Variants in RAB22A observed in about 807,000 individuals in gnomAD.
The protein encoded by RAB22A is RAB22A, member RAS oncogene family.
RAB22A carries 13 observed loss-of-function variants against 30.2 expected under a neutral mutation model. The ratio of observed to expected loss-of-function variants is 0.43; its 90% confidence interval spans 0.28 to 0.68. The LOEUF (loss-of-function observed/expected upper bound fraction) is 0.68, where lower values mean the gene tolerates loss of function less well. RAB22A is among the 30% of genes least tolerant of loss of function. The probability of loss-of-function intolerance (pLI) is 0.18; values close to 1 mark genes in which losing one functional copy is unlikely to be tolerated. For synonymous variants in RAB22A, 89 were observed against 87.2 expected (o/e 1.02, Z -0.11); for missense variants, 177 against 246.8 (o/e 0.72, Z 1.89).
At chr20:58,323,695 CCT>C (rs754987891) in intron 2 of RAB22A, among the ~76,000 whole-genome samples, 4 of 149,158 alleles carry the variant, frequency 2.7e-5, no homozygotes, top group Admixed American at 1.3e-4. Context: ...GATTTGAACA[CCT>C]GGGCTCAAGT....
intron 2 of RAB22A, among the ~76,000 whole-genome samples, chr20:58,340,985 G>A (rs996830544): frequency 9.2e-5 from 14 of 152,186 alleles, no homozygotes. Context: ...GATGACTGCA[G>A]TGGCCAAGGC....
intron 2 of RAB22A, among the ~76,000 whole-genome samples, chr20:58,318,443 C>T (rs1017309983): frequency 3.3e-5 from 5 of 152,210 alleles, no homozygotes; most frequent in Admixed American, 2.6e-4. Context: ...AACAGTATGA[C>T]ACTCACAGGA....
At chr20:58,320,018 G>A (rs1210740239) in intron 2 of RAB22A, among the ~76,000 whole-genome samples, 1 of 151,986 alleles carries the variant, frequency 6.6e-6, no homozygotes, top group Non-Finnish European at 1.5e-5. Flanking sequence ...TATATTGCTG[G>A]ATTTGATTTA....
intron 2 of RAB22A, among the ~76,000 whole-genome samples, chr20:58,319,344 C>A (rs967008821): frequency 6.6e-6 from 1 of 152,162 alleles, no homozygotes; most frequent in Non-Finnish European, 1.5e-5. Context: ...AATTAAATCA[C>A]CTTGGCACCT....
At chr20:58,312,489 T>C (rs1394748176) in intron 2 of RAB22A, among the ~76,000 whole-genome samples, 4 of 110,508 alleles carry the variant, frequency 3.6e-5, no homozygotes, top group African/African-American at 1.5e-4. Context: ...TTTTTTTTTT[T>C]TTTTTTTTTT....
intron 2 of RAB22A, among the ~76,000 whole-genome samples, chr20:58,317,694 G>A (rs1986371860): frequency 6.6e-6 from 1 of 151,606 alleles, no homozygotes; most frequent in African/African-American, 2.4e-5. Context: ...GAGTAGCTGG[G>A]ACTACAGGCA....
At chr20:58,322,764 A>G (rs1444909577) in intron 2 of RAB22A, among the ~76,000 whole-genome samples, 1 of 152,162 alleles carries the variant, frequency 6.6e-6, no homozygotes, top group Non-Finnish European at 1.5e-5. Context: ...TTACTTCTAC[A>G]TGTTATGAAA....
intron 2 of RAB22A, among the ~76,000 whole-genome samples, chr20:58,325,710 G>A (rs1056213343): frequency 2.4e-4 from 36 of 152,290 alleles, no homozygotes; most frequent in East Asian, 1.9e-4. Context: ...AACATATTTT[G>A]TATGATATAA....
At chr20:58,347,048 T>C (rs1986961961) in intron 3 of RAB22A, among the ~76,000 whole-genome samples, 2 of 152,240 alleles carry the variant, frequency 1.3e-5, no homozygotes, top group South Asian at 4.1e-4. Context: ...TACCTACTTT[T>C]ACCATGTGAG....
intron 2 of RAB22A, among the ~76,000 whole-genome samples, chr20:58,338,360 T>C (rs746271286): frequency 1.3e-5 from 2 of 152,164 alleles, no homozygotes; most frequent in Non-Finnish European, 2.9e-5. Flanking sequence ...TTTTAAATAT[T>C]TTCCAAAAAG....
At chr20:58,353,382 C>T (rs780671246) in intron 4 of RAB22A, 38 bp downstream of exon 4, 82 of 1,608,900 alleles carry the variant, frequency 5.1e-5, no homozygotes, top group Non-Finnish European at 6.8e-5. Flanking sequence ...GTTTTGAAAA[C>T]TCTTTTGGTT....
At position 58,359,847 on chromosome 20, in the gene RAB22A, T is replaced by A; in HGVS notation, c.*144T>A. On this transcript the variant is annotated 3_prime_UTR_variant, in exon 7 of 7. Transcript: ENST00000244040. Reference sequence around the variant, plus strand: ...AGGATTCACAGAAATGGACCAGTTCTGTTCTCCAAAGACTGCAGCAATGAT... The same window carrying A: ...AGGATTCACAGAAATGGACCAGTTCAGTTCTCCAAAGACTGCAGCAATGAT... The A allele has an allele frequency of 1.7e-6, 1 of 603,546 alleles. No individual in the cohort carries two copies. The allele number at this position is 603,546 out of a possible 1,614,324, so 37.4% of individuals were successfully genotyped here.
intron 2 of RAB22A, among the ~76,000 whole-genome samples, chr20:58,329,965 A>G (rs1986635421): frequency 6.6e-6 from 1 of 152,332 alleles, no homozygotes. Flanking sequence ...GAGTCTGTAT[A>G]TGTACTAAAC....
At chr20:58,355,918 A>C (rs1410921369) in intron 6 of RAB22A, among the ~76,000 whole-genome samples, 2 of 152,228 alleles carry the variant, frequency 1.3e-5, no homozygotes, top group Non-Finnish European at 2.9e-5. Context: ...CCAGTTGGGA[A>C]TTTTTCACAG....
chr20:58,333,472 A>G (rs2122947056), intron 2 of RAB22A, among the ~76,000 whole-genome samples: 1 of 152,274 alleles, frequency 6.6e-6, no homozygotes, highest in South Asian at 2.1e-4. Context: ...TATTAACAGG[A>G]GCCTATTTCA....
chr20:58,341,953 G>A (rs1456639160), intron 2 of RAB22A, among the ~76,000 whole-genome samples: 1 of 152,190 alleles, frequency 6.6e-6, no homozygotes, highest in Non-Finnish European at 1.5e-5. Flanking sequence ...ATAATTGATG[G>A]AGAGTTGAGT....
chr20:58,318,882 T>C (rs1986396977), intron 2 of RAB22A, among the ~76,000 whole-genome samples: 1 of 152,228 alleles, frequency 6.6e-6, no homozygotes, highest in South Asian at 2.1e-4. Flanking sequence ...AACTTTTTTG[T>C]GCCTACATTT....
chr20:58,316,312 C>T lies in RAB22A; in HGVS notation c.116+5190C>T, dbSNP rs191000953. 3.3e-3 allele frequency among the ~76,000 whole-genome samples: 507 copies of T among 152,264 alleles called. 1 individual carries two copies. The highest frequency in any genetic ancestry group is 4.3e-3 in the Non-Finnish European group (292 of 68,020). The stretch of plus-strand genomic sequence containing the variant: ...TCTTACCTCCAGGGACACTTTGCTT[C>T]GGTCTCCTTCGGCCTTGTCATCCCT... On this transcript the variant is annotated intron_variant, in intron 2 of 6. Coordinates refer to ENST00000244040, the MANE Select transcript of RAB22A (RefSeq NM_020673.3).
intron 6 of RAB22A, among the ~76,000 whole-genome samples, chr20:58,354,886 A>C (rs972885248): frequency 2.0e-5 from 3 of 152,254 alleles, no homozygotes; most frequent in Non-Finnish European, 4.4e-5. Context: ...TGGAGCGCAC[A>C]TTCTACAGAG....
Sources: allele counts gnomAD v4.1 joint callset (sites outside exome capture counted in the v4.1 genomes callset), GRCh38; gene constraint gnomAD v4.1.1; transcripts MANE v1.5; gene names NCBI Gene and HGNC (gene_info 2026-07-23, HGNC 2026-07-21).